Variants in OR9Q1 observed in about 807,000 individuals in gnomAD.
The protein encoded by OR9Q1 is olfactory receptor family 9 subfamily Q member 1.
For missense variants in OR9Q1, 374 were observed against 378.8 expected, an observed-to-expected ratio of 0.99 and a Z score of 0.11; for synonymous variants, 153 against 148.6, an observed-to-expected ratio of 1.03 and a Z score of -0.22.
At chr11:58,174,596 A>T (rs2119958425) in intron 2 of OR9Q1, among the ~76,000 whole-genome samples, 1 of 150,898 alleles carries the variant, frequency 6.6e-6, no homozygotes, top group Non-Finnish European at 1.5e-5. Context: ...ATAGTTGTTT[A>T]ACTTCATTTA....
At chr11:58,065,800 GC>G (rs755019930) in intron 2 of OR9Q1, among the ~76,000 whole-genome samples, 44 of 152,206 alleles carry the variant, frequency 2.9e-4, no homozygotes, top group Admixed American at 6.5e-5. Flanking sequence ...GCTTGCAGTT[GC>G]TCAGCTGCTC....
chr11:58,164,989 C>T (rs1279338996), intron 2 of OR9Q1, among the ~76,000 whole-genome samples: 1 of 152,208 alleles, frequency 6.6e-6, no homozygotes, highest in Non-Finnish European at 1.5e-5. Context: ...GAGGCTTTCT[C>T]TGATAACCCT....
At chr11:58,026,803 A>T (rs1473730072) in intron 1 of OR9Q1, 1 of 152,014 alleles carries the variant, frequency 6.6e-6, no homozygotes, top group African/African-American at 2.4e-5. Context: ...TATGATGCCG[A>T]AGTGAGTACT....
Position 58,179,752 on chromosome 11 carries a change from T to A in OR9Q1, c.308T>A (p.Leu103Gln). 1 of 1,614,242 alleles carries A rather than the reference T, an allele frequency of 6.2e-7. No homozygotes were observed. Among genetic ancestry groups the A allele is most frequent in the African/African-American group, 1.3e-5 (1 of 75,080 alleles). ...ACACGCTGTGCTGCTCAGTTCTTTC[T>A]GTTCACCTTCTTTGGTTCCATCGAC... ...SYTRCAAQFF[L>Q]FTFFGSIDCY... Residue 103 changes from leucine to glutamine, a missense_variant, in exon 3 of 3, where the codon CTG becomes CAG. Leu to Gln is a moderately radical substitution (Grantham distance 113, BLOSUM62 -2). Coordinates refer to ENST00000335397, the MANE Select transcript of OR9Q1 (RefSeq NM_001005212.4).
intron 1 of OR9Q1, among the ~76,000 whole-genome samples, chr11:58,053,172 A>G (rs972517858): frequency 6.6e-6 from 1 of 151,544 alleles, no homozygotes; most frequent in African/African-American, 2.4e-5. Context: ...GGCACTATTC[A>G]CAATAGCAAA....
intron 2 of OR9Q1, 150 bp from the exon 3 acceptor site, chr11:58,179,281 T>C: frequency 1.9e-6 from 1 of 527,502 alleles, no homozygotes; most frequent in Admixed American, 3.6e-5. Flanking sequence ...CTGCCTCGCT[T>C]CCAAAGTGCT....
intron 2 of OR9Q1, among the ~76,000 whole-genome samples, chr11:58,114,915 G>T (rs558030196): frequency 6.6e-6 from 1 of 152,116 alleles, no homozygotes; most frequent in Admixed American, 6.6e-5. Flanking sequence ...ATGGGTTTGA[G>T]CAGGTTGGTC....
At chr11:58,173,050 AAAAAT>A (rs1349181901) in intron 2 of OR9Q1, among the ~76,000 whole-genome samples, 7 of 152,210 alleles carry the variant, frequency 4.6e-5, no homozygotes, top group Admixed American at 4.6e-4. Flanking sequence ...GGACAAATAA[AAAAAT>A]AAAAGCTGTT....
At chr11:58,172,151 A>T (rs1049504992) in intron 2 of OR9Q1, among the ~76,000 whole-genome samples, 3 of 152,184 alleles carry the variant, frequency 2.0e-5, no homozygotes, top group Non-Finnish European at 4.4e-5. Context: ...ATATGATTAA[A>T]AATGTTATAT....
intron 2 of OR9Q1, among the ~76,000 whole-genome samples, chr11:58,090,298 C>T (rs1853672039): frequency 6.6e-6 from 1 of 152,112 alleles, no homozygotes; most frequent in Non-Finnish European, 1.5e-5. Flanking sequence ...ATAAATAGCT[C>T]TTATTATTTT....
At chr11:58,108,425 G>T (rs922810707) in intron 2 of OR9Q1, among the ~76,000 whole-genome samples, 3 of 152,174 alleles carry the variant, frequency 2.0e-5, no homozygotes, top group Non-Finnish European at 4.4e-5. Flanking sequence ...GTTCGCTTAT[G>T]ACTATGCTAC....
rs536404258 is a variant in OR9Q1 at position 58,082,462 on chromosome 11, T to G, written c.-15+26515T>G. On this transcript the variant is annotated intron_variant, in intron 2 of 2. Transcript: ENST00000335397. Reference sequence around the variant, plus strand: ...TCCTTTGTAGGGACATGGATGAAATTGGAAATCATCATCCTCAGTAAACTA... The same window carrying G: ...TCCTTTGTAGGGACATGGATGAAATGGGAAATCATCATCCTCAGTAAACTA... 5.3e-5 allele frequency among the ~76,000 whole-genome samples: 8 copies of G among 151,662 alleles called. No individual in the cohort carries two copies. In the South Asian group the frequency reaches 1.7e-3, roughly 32 times the overall value.
chr11:58,175,204 G>A (rs1854593207), intron 2 of OR9Q1, among the ~76,000 whole-genome samples: 1 of 151,716 alleles, frequency 6.6e-6, no homozygotes, highest in South Asian at 2.1e-4. Context: ...TAGGGATTTG[G>A]AAGATTTTGG....
At chr11:58,156,480 A>G (rs1035354812) in intron 2 of OR9Q1, among the ~76,000 whole-genome samples, 4 of 152,158 alleles carry the variant, frequency 2.6e-5, no homozygotes, top group African/African-American at 9.7e-5. Context: ...TAGGTAATAA[A>G]ATAGGAGTTC....
intron 2 of OR9Q1, chr11:58,109,720 A>C (rs1050737021): frequency 2.6e-6 from 1 of 378,638 alleles, no homozygotes; most frequent in Non-Finnish European, 5.2e-6. Flanking sequence ...CCAGAACTAA[A>C]GGTCTTTGCT....
At chr11:58,103,402 A>T (rs1590591401) in intron 2 of OR9Q1, among the ~76,000 whole-genome samples, 1 of 152,300 alleles carries the variant, frequency 6.6e-6, no homozygotes, top group Admixed American at 6.5e-5. Flanking sequence ...GTGGGGATAT[A>T]GGCAAATCAT....
intron 2 of OR9Q1, among the ~76,000 whole-genome samples, chr11:58,131,940 T>C (rs1321197114): frequency 2.0e-5 from 3 of 152,070 alleles, no homozygotes; most frequent in Non-Finnish European, 2.9e-5. Context: ...ATACCTAGAG[T>C]AGAAAATTCT....
chr11:58,172,381 GTA>G (rs1854563953), intron 2 of OR9Q1, among the ~76,000 whole-genome samples: 1 of 152,150 alleles, frequency 6.6e-6, no homozygotes, highest in South Asian at 2.1e-4. Flanking sequence ...TTGAATGTGT[GTA>G]GATTCAGACC....
intron 2 of OR9Q1, among the ~76,000 whole-genome samples, chr11:58,162,103 A>C (rs1021793364): frequency 2.0e-5 from 3 of 152,188 alleles, no homozygotes; most frequent in Non-Finnish European, 2.9e-5. Context: ...TATTTTAGAG[A>C]AACAAGAAAA....
Sources: allele counts gnomAD v4.1 joint callset (sites outside exome capture counted in the v4.1 genomes callset), GRCh38; gene constraint gnomAD v4.1.1; transcripts MANE v1.5; gene names NCBI Gene and HGNC (gene_info 2026-07-23, HGNC 2026-07-21).